The following STK32B variants were observed in gnomAD, a reference collection of about 807,000 sequenced individuals.
The protein encoded by STK32B is serine/threonine kinase 32B, also known as serine/threonine-protein kinase 32B.
Under a neutral mutation model 52.6 loss-of-function variants are expected in STK32B, and 43 were observed. That is an observed-to-expected ratio of 0.82 (90% CI 0.64 to 1.05). The LOEUF is 1.05. Among genes scored for constraint, STK32B ranks in the 50% least tolerant of loss-of-function variants. The pLI is 0.00. For missense variants in STK32B, 621 were observed against 534.6 expected (o/e 1.16, Z -1.59); for synonymous variants, 238 against 204.3 (o/e 1.17, Z -1.41).
intron 6 of STK32B, among the ~76,000 whole-genome samples, chr4:5,442,370 G>T (rs886699351): frequency 7.2e-5 from 11 of 152,004 alleles, no homozygotes; most frequent in Admixed American, 2.0e-4. Context: ...GGTCTTCTTT[G>T]TCTCTTTTGA....
chr4:5,415,224 C>A (rs1181326433), intron 5 of STK32B, among the ~76,000 whole-genome samples: 1 of 152,196 alleles, frequency 6.6e-6, no homozygotes, highest in African/African-American at 2.4e-5. Flanking sequence ...TTCTGCATGT[C>A]ACCATCACTC....
chr4:5,166,097 T>A (rs1718848310), intron 2 of STK32B, among the ~76,000 whole-genome samples: 1 of 151,220 alleles, frequency 6.6e-6, no homozygotes, highest in Non-Finnish European at 1.5e-5. Context: ...TTGAATAGAT[T>A]TGCAACGTGT....
In STK32B at chr4:5,470,611, C is replaced by T. The variant is rs549083399; in HGVS notation, c.1106+2541C>T. Among the ~76,000 whole-genome samples the T allele has an allele frequency of 5.3e-5, 8 of 152,208 alleles. No homozygotes were observed. In the South Asian group the frequency reaches 1.7e-3, roughly 32 times the overall value. ...GGGTTTTGCTGTGTCCCCCAAGATGCATCAGCCGACCCCATCCCCACCTCA... is the reference window on the plus strand; with the variant it reads ...GGGTTTTGCTGTGTCCCCCAAGATGTATCAGCCGACCCCATCCCCACCTCA... On this transcript the variant is annotated intron_variant, in intron 11 of 11. Coordinates refer to ENST00000282908, the MANE Select transcript of STK32B (RefSeq NM_018401.3). This position sits in a 1 kb window ranked among gnomAD's most constrained non-coding sequence, Gnocchi z 4.6.
At chr4:5,316,118 A>G (rs1262313878) in intron 3 of STK32B, among the ~76,000 whole-genome samples, 1 of 125,316 alleles carries the variant, frequency 8.0e-6, no homozygotes, top group Non-Finnish European at 1.6e-5. Context: ...ATAAATATAT[A>G]TATATATTTT....
intron 4 of STK32B, among the ~76,000 whole-genome samples, chr4:5,358,623 A>G (rs1033264988): frequency 6.6e-6 from 1 of 152,130 alleles, no homozygotes; most frequent in Non-Finnish European, 1.5e-5. Flanking sequence ...GTGGAAGGAG[A>G]TCATTGGATA....
At chr4:5,055,467 C>A (rs1741966259) in intron 1 of STK32B, among the ~76,000 whole-genome samples, 1 of 152,098 alleles carries the variant, frequency 6.6e-6, no homozygotes, top group African/African-American at 2.4e-5. Context: ...CCGTCACTGT[C>A]CCCTCAATGC....
At chr4:5,080,023 G>T (rs1415412870) in intron 1 of STK32B, among the ~76,000 whole-genome samples, 2 of 146,104 alleles carry the variant, frequency 1.4e-5, no homozygotes, top group African/African-American at 2.5e-5. Context: ...AGATCAAACC[G>T]TTCTGGAGAC....
intron 3 of STK32B, among the ~76,000 whole-genome samples, chr4:5,303,652 T>G (rs1291832169): frequency 6.6e-6 from 1 of 152,162 alleles, no homozygotes; most frequent in Admixed American, 6.6e-5. Context: ...AATCTTCTGA[T>G]TATTTCTTTT....
At chr4:5,308,074 T>C (rs536941362) in intron 3 of STK32B, among the ~76,000 whole-genome samples, 96 of 152,256 alleles carry the variant, frequency 6.3e-4, no homozygotes, top group Non-Finnish European at 9.4e-4. Flanking sequence ...GTTGTATTTT[T>C]GTTAAGTGTG....
rs1725772225 is a variant in STK32B, at chr4:5,249,622, T to C, written c.260+81172T>C. Among the ~76,000 whole-genome samples the C allele has an allele frequency of 2.0e-5, 3 of 152,132 alleles. No individual in the cohort carries two copies. In the South Asian group the frequency reaches 6.2e-4, roughly 32 times the overall value. On this transcript the variant is annotated intron_variant, in intron 3 of 11. Transcript: ENST00000282908. ...AATAGAACTCATAGTGAAACATAGG[T>C]TTAACATTTTTAAAAATAATTTTCT...
chr4:5,452,381 C>A (rs1374982742), intron 7 of STK32B, among the ~76,000 whole-genome samples: 4 of 152,012 alleles, frequency 2.6e-5, no homozygotes, highest in African/African-American at 9.7e-5. Flanking sequence ...GAAACAGGAC[C>A]AGGTAACCTC....
intron 6 of STK32B, among the ~76,000 whole-genome samples, chr4:5,445,318 A>G (rs1046599765): frequency 6.6e-6 from 1 of 152,194 alleles, no homozygotes; most frequent in Non-Finnish European, 1.5e-5. Flanking sequence ...GTGAATGCCC[A>G]TCTAGAAACT....
intron 3 of STK32B, among the ~76,000 whole-genome samples, chr4:5,269,630 G>A (rs1431706340): frequency 6.6e-6 from 1 of 152,078 alleles, no homozygotes; most frequent in South Asian, 2.1e-4. Flanking sequence ...GATGAATTTT[G>A]TAAAAAAGGC....
At chr4:5,153,160 A>G (rs1186557432) in intron 2 of STK32B, among the ~76,000 whole-genome samples, 1 of 152,180 alleles carries the variant, frequency 6.6e-6, no homozygotes, top group Non-Finnish European at 1.5e-5. Flanking sequence ...GCTGGAAACA[A>G]GTGGGGTCAG....
intron 1 of STK32B, among the ~76,000 whole-genome samples, chr4:5,096,942 C>T (rs1713436843): frequency 6.6e-6 from 1 of 152,166 alleles, no homozygotes; most frequent in Non-Finnish European, 1.5e-5. Flanking sequence ...TCAATCATCA[C>T]AGTGTCCCTA....
At chr4:5,034,256 A>G in the STK32B span, among the ~76,000 whole-genome samples, 1 of 152,218 alleles carries the variant, frequency 6.6e-6, no homozygotes, top group Non-Finnish European at 1.5e-5. Context: ...AGTCTTTTGA[A>G]AAATGAACCA....
chr4:5,444,238 C>G, intron 6 of STK32B, among the ~76,000 whole-genome samples: 1 of 152,216 alleles, frequency 6.6e-6, no homozygotes, highest in Non-Finnish European at 1.5e-5. Context: ...GACTGCTGTG[C>G]TAGCAATCAG....
At chr4:5,415,518 G>A (rs905698261) in intron 5 of STK32B, among the ~76,000 whole-genome samples, 27 of 152,204 alleles carry the variant, frequency 1.8e-4, no homozygotes, top group Non-Finnish European at 8.8e-5. Context: ...AGGGGCCTGA[G>A]GAAGCCCCAG....
intron 1 of STK32B, among the ~76,000 whole-genome samples, chr4:5,120,544 G>T (rs911218955): frequency 9.9e-5 from 15 of 152,160 alleles, no homozygotes; most frequent in Non-Finnish European, 7.3e-5. Flanking sequence ...GAAAAAAACA[G>T]TATATATAGG....
Sources: gnomAD v4.1 joint callset for allele counts (sites outside exome capture counted in the v4.1 genomes callset) on GRCh38, gnomAD v4.1.1 for gene constraint, Gnocchi (gnomAD v3.1) non-coding constraint, MANE v1.5 for transcripts, NCBI Gene and HGNC (gene_info 2026-07-23, HGNC 2026-07-21) for gene names.